The following KDM5C variants were observed in gnomAD, a reference collection of about 807,000 sequenced individuals.
KDM5C encodes lysine-specific demethylase 5C.
Under a neutral mutation model 110.6 loss-of-function variants are expected in KDM5C, and 16 were observed. That is an observed-to-expected ratio of 0.14 (90% CI 0.10 to 0.22). KDM5C has a LOEUF of 0.22. KDM5C is among the 10% of genes least tolerant of loss of function. The pLI is 1.00. For synonymous variants in KDM5C, 511 were observed against 520.4 expected, an observed-to-expected ratio of 0.98 and a Z score of 0.24; for missense variants, 681 against 1,300.9, an observed-to-expected ratio of 0.52 and a Z score of 7.33.
At chrX:53,208,387 A>G (rs377560254) in intron 12 of KDM5C, among the ~76,000 whole-genome samples, 6 of 90,091 alleles carry the variant, frequency 6.7e-5, no homozygotes, top group African/African-American at 2.6e-4. Flanking sequence ...GACCTTCTGC[A>G]TATGTATATA....
intron 7 of KDM5C, chrX:53,215,081 C>G (rs1005644889): frequency 1.0e-5 from 5 of 488,506 alleles, no homozygotes; most frequent in Non-Finnish European, 1.8e-5. Context: ...TTCAGAACTA[C>G]GCTGGACTCT....
At chrX:53,214,460 T>C (rs1242348136) in intron 8 of KDM5C, 11 of 426,321 alleles carry the variant, frequency 2.6e-5, no homozygotes, top group African/African-American at 2.5e-4. Context: ...TGTCACCACA[T>C]ATAGTCTAAT....
At chrX:53,195,202 A>T in intron 21 of KDM5C, 29 bp downstream of exon 21, 1 of 1,189,356 alleles carries the variant, frequency 8.4e-7, no homozygotes, top group Non-Finnish European at 1.1e-6. Context: ...GCGTTAAGAG[A>T]CGCTGTAGGT....
intron 1 of KDM5C, chrX:53,221,767 G>A: frequency 6.1e-6 from 6 of 977,951 alleles, no homozygotes; most frequent in Non-Finnish European, 8.0e-6. Flanking sequence ...AGCCCCAGGG[G>A]GTGGGGGTAA....
Position 53,198,895 on chromosome X carries a change from G to A in KDM5C, c.2244-7C>T, listed in dbSNP as rs1556840080. 2 of 1,212,191 alleles carry A rather than the reference G, an allele frequency of 1.6e-6. No homozygotes were observed. Among genetic ancestry groups the A allele is most frequent in the African/African-American group, 1.7e-5 (1 of 57,891 alleles). ...ATCCAAGGTATACCGATACCTGGAG[G>A]AAGAGGGCAGGCAAGAGCATGTCTG... On this transcript the variant is annotated splice_region_variant and splice_polypyrimidine_tract_variant and intron_variant, in intron 15 of 25. Transcript: ENST00000375401.
At chrX:53,214,041 G>A (rs1556850382) in intron 8 of KDM5C, among the ~76,000 whole-genome samples, 1 of 109,154 alleles carries the variant, frequency 9.2e-6, no homozygotes, top group Non-Finnish European at 1.9e-5. Context: ...TGCAACCTCC[G>A]CCTCCTGGGC....
In KDM5C at chrX:53,194,236, C is replaced by T. The variant is rs782652144; in HGVS notation, c.3941G>A (p.Arg1314Gln). The change falls in exon 23 of 26, where the codon CGG becomes CAG. Residue 1314 changes from arginine (R) to glutamine (Q), a missense_variant. This residue lies in a region of KDM5C where 88 missense variants were observed against 85.6 expected (regional missense o/e 1.03). Coordinates refer to ENST00000375401, the MANE Select transcript of KDM5C (RefSeq NM_004187.5). ...LLGRLAELRQ[R>Q]LQAEPRPEEP... ...CTCAGGTCTAGGTTCAGCCTGTAGC[C>T]GTTGGCGGAGCTCAGCCAGCCGTCC... is the stretch of plus-strand genomic sequence containing the variant. 3.6e-5 allele frequency: 43 copies of T among 1,210,599 alleles called. No homozygotes were observed. Among genetic ancestry groups the T allele is most frequent in the African/African-American group, 5.2e-5 (3 of 57,463 alleles).
chrX:53,221,335 T>C (rs888214546), intron 1 of KDM5C, among the ~76,000 whole-genome samples: 1 of 111,313 alleles, frequency 9.0e-6, no homozygotes, highest in African/African-American at 3.3e-5. Context: ...AGTCAGAAGA[T>C]ATGGGTTCAT....
At chrX:53,208,438 T>C (rs868960439) in intron 12 of KDM5C, among the ~76,000 whole-genome samples, 4 of 91,082 alleles carry the variant, frequency 4.4e-5, no homozygotes, top group Admixed American at 2.4e-4. Context: ...TATATATATA[T>C]ATATACACAC....
In KDM5C at chrX:53,218,264, A is replaced by C. The variant is rs2146952447; in HGVS notation, c.351+12T>G. 5.0e-6 allele frequency: 6 copies of C among 1,210,681 alleles called. No homozygotes were observed. Among genetic ancestry groups the C allele is most frequent in the Non-Finnish European group, 6.7e-6 (6 of 895,078 alleles). On this transcript the variant is annotated intron_variant, in intron 3 of 25. Coordinates refer to ENST00000375401, the MANE Select transcript of KDM5C (RefSeq NM_004187.5). ...TTGGTGGGAGGGGTGCTTGACAAAAACCTGTTCTTACTTTGCTGAGACTGT... is the reference window on the plus strand; with the variant it reads ...TTGGTGGGAGGGGTGCTTGACAAAACCCTGTTCTTACTTTGCTGAGACTGT...
chrX:53,225,128 C>G lies in KDM5C; in HGVS notation c.-239G>C. On this transcript the variant is annotated 5_prime_UTR_variant, in exon 1 of 26. Coordinates refer to ENST00000375401, the MANE Select transcript of KDM5C (RefSeq NM_004187.5). ...TCTTCCAAACTGTGTGGTTGCCTCC[C>G]CACTACCGCAGCCTTCGCCACCACA... The G allele has an allele frequency of 2.7e-6, 1 of 368,541 alleles. No homozygotes were observed. Among genetic ancestry groups the G allele is most frequent in the Non-Finnish European group, 4.6e-6 (1 of 216,998 alleles). 30.4% of individuals were successfully genotyped at this position (368,541 alleles called of 1,213,427 possible).
chrX:53,202,943 C>T (rs1174203064), intron 12 of KDM5C, among the ~76,000 whole-genome samples: 2 of 109,700 alleles, frequency 1.8e-5, no homozygotes, highest in Non-Finnish European at 3.8e-5. Flanking sequence ...TCAGCCTCTC[C>T]GAATAGCTGG....
chrX:53,212,057 C>G (rs1466742131), intron 8 of KDM5C, 151 bp from the exon 9 acceptor site: 1 of 644,154 alleles, frequency 1.6e-6, no homozygotes, highest in Non-Finnish European at 2.4e-6. Context: ...ACAGCTGTAC[C>G]TTTTGCTCTT....
intron 25 of KDM5C, among the ~76,000 whole-genome samples, chrX:53,177,095 T>G (rs1933904303): frequency 8.9e-6 from 1 of 112,183 alleles, no homozygotes; most frequent in African/African-American, 3.2e-5. Context: ...CAAAAAAAAT[T>G]CAAATTAGGT....
rs1556854363 is a variant in KDM5C, at chrX:53,220,892, C to T, written c.175G>A (p.Glu59Lys). The T allele has an allele frequency of 8.3e-7, 1 of 1,208,682 alleles. No individual in the cohort carries two copies. The highest frequency in any genetic ancestry group is 1.1e-6 in the Non-Finnish European group (1 of 894,486). ...PADWQPPFAV[E>K]VDNFRFTPRI... ...GGGGTAAACCTGAAGTTGTCCACTTCCACAGCAAAGGGTGGCTGCCAGTCC... is the reference window on the plus strand; with the variant it reads ...GGGGTAAACCTGAAGTTGTCCACTTTCACAGCAAAGGGTGGCTGCCAGTCC... Residue 59 changes from glutamate to lysine, a missense_variant, in exon 2 of 26, where the codon GAA becomes AAA. Transcript: ENST00000375401.
At chrX:53,206,759 G>A (rs1426022510) in intron 12 of KDM5C, among the ~76,000 whole-genome samples, 1 of 105,019 alleles carries the variant, frequency 9.5e-6, no homozygotes, top group Non-Finnish European at 1.9e-5. Flanking sequence ...AGCTACTCGG[G>A]AGGCTAAGGC....
intron 7 of KDM5C, 49 bp downstream of exon 7, chrX:53,215,746 T>A (rs782679883): frequency 5.1e-6 from 6 of 1,166,069 alleles, no homozygotes; most frequent in Non-Finnish European, 7.0e-6. Context: ...GGAATGCTTA[T>A]TGAAGGGACA....
rs2073994468 is a variant in KDM5C at position 53,224,730 on chromosome X, CG to C, written c.150+9del. 8.3e-7 allele frequency: 1 copy of C among 1,211,557 alleles called. No individual in the cohort carries two copies. Among genetic ancestry groups the C allele is most frequent in the East Asian group, 3.0e-5 (1 of 33,826 alleles). Reference sequence around the variant, plus strand: ...TCTCGCCGCCGGCGAAAACCGGCCCCGGGGCTTACCGCGGGTGGGCGGATCT... The same window carrying C: ...TCTCGCCGCCGGCGAAAACCGGCCCCGGGCTTACCGCGGGTGGGCGGATCT... On this transcript the variant is annotated intron_variant, in intron 1 of 25. Transcript: ENST00000375401.
intron 25 of KDM5C, among the ~76,000 whole-genome samples, chrX:53,181,364 T>C (rs987019569): frequency 1.9e-4 from 21 of 110,387 alleles, no homozygotes; most frequent in Non-Finnish European, 3.8e-4. Flanking sequence ...TTGATTTGGA[T>C]AGATCTGAGC....
Sources: allele counts gnomAD v4.1 joint callset (sites outside exome capture counted in the v4.1 genomes callset), GRCh38; gene constraint gnomAD v4.1.1; regional missense constraint gnomAD v4.1.1; transcripts MANE v1.5; gene names NCBI Gene and HGNC (gene_info 2026-07-23, HGNC 2026-07-21).